Variants in LGR5 observed in about 807,000 individuals in gnomAD.
LGR5 encodes leucine-rich repeat-containing G protein-coupled receptor 5.
In LGR5, 54 loss-of-function variants were observed where a neutral mutation model predicts 76.7. The ratio of observed to expected loss-of-function variants is 0.70; its 90% CI spans 0.57 to 0.88. The LOEUF is 0.88. LGR5 is among the 40% of genes least tolerant of loss of function. The probability of loss-of-function intolerance (pLI) is 0.00; values close to 1 mark genes in which losing one functional copy is unlikely to be tolerated. For missense variants in LGR5, 1,078 were observed against 1,073.3 expected (o/e 1.00, Z -0.06); for synonymous variants, 406 against 421.9 (o/e 0.96, Z 0.46).
rs764961987 is a variant in LGR5 at position 71,553,256 on chromosome 12, T to C, written c.612T>C (p.Tyr204=). 2 of 1,613,978 alleles carry C rather than the reference T, an allele frequency of 1.2e-6. No homozygotes were observed. Among genetic ancestry groups the C allele is most frequent in the African/African-American group, 1.3e-5 (1 of 74,988 alleles). ...ALNKIHHIPD[Y]AFGNLSSLVV... ...ACAAAATACACCACATACCAGACTA[T>C]GCCTTTGGAAACCTCTCCAGCTTGG... is the stretch of plus-strand genomic sequence containing the variant. Residue 204 remains tyrosine (Y), a synonymous_variant, in exon 5 of 18, where the codon TAT becomes TAC. Transcript: ENST00000266674.
At chr12:71,558,166 T>C (rs1199937891) in intron 6 of LGR5, among the ~76,000 whole-genome samples, 1 of 152,182 alleles carries the variant, frequency 6.6e-6, no homozygotes, top group Non-Finnish European at 1.5e-5. Flanking sequence ...CATCAGCTGC[T>C]AGGAAAAATT....
At chr12:71,519,794 T>A (rs1875638919) in intron 2 of LGR5, among the ~76,000 whole-genome samples, 1 of 151,756 alleles carries the variant, frequency 6.6e-6, no homozygotes, top group Admixed American at 6.6e-5. Flanking sequence ...CACTACACTG[T>A]AGCCTGGGTG....
At chr12:71,554,751 T>C (rs1341254592) in intron 5 of LGR5, among the ~76,000 whole-genome samples, 2 of 152,252 alleles carry the variant, frequency 1.3e-5, no homozygotes, top group Non-Finnish European at 2.9e-5. Context: ...AGTGGTTTAA[T>C]TGACAGCATG....
At chr12:71,478,534 A>G (rs1873439951) in intron 1 of LGR5, among the ~76,000 whole-genome samples, 1 of 152,212 alleles carries the variant, frequency 6.6e-6, no homozygotes. Flanking sequence ...GAAATTGAAT[A>G]ATGTCTTTTC....
At chr12:71,559,783 A>G in intron 7 of LGR5, 129 bp downstream of exon 7, 1 of 536,762 alleles carries the variant, frequency 1.9e-6, no homozygotes, top group Non-Finnish European at 3.3e-6. Context: ...ATGATAAAGT[A>G]CACTTGAAAT....
At chr12:71,484,815 G>A (rs1873759085) in intron 1 of LGR5, among the ~76,000 whole-genome samples, 1 of 152,124 alleles carries the variant, frequency 6.6e-6, no homozygotes, top group African/African-American at 2.4e-5. Flanking sequence ...GCAGAGGAAT[G>A]CCCAGTCACA....
chr12:71,585,967 T>C lies in LGR5; in HGVS notation c.*1233T>C, dbSNP rs762296716. The C allele has an allele frequency of 6.6e-5, 10 of 152,198 alleles. No individual in the cohort carries two copies. The highest frequency in any genetic ancestry group is 1.5e-4 in the Non-Finnish European group (10 of 68,022). The allele number at this position is 152,198 out of a possible 1,614,324, so 9.4% of individuals were successfully genotyped here. A position where few individuals can be genotyped will look rare whatever the true frequency, so the allele number is the denominator to read the frequency against. On this transcript the variant is annotated 3_prime_UTR_variant, in exon 18 of 18. Coordinates refer to ENST00000266674, the MANE Select transcript of LGR5 (RefSeq NM_003667.4). ...TTAGCTTCAATACATCCAAACCAAA[T>C]GGCTGTTAGGTAGATTTATTTTTAT...
At chr12:71,496,585 T>C (rs1483355513) in intron 1 of LGR5, among the ~76,000 whole-genome samples, 1 of 152,326 alleles carries the variant, frequency 6.6e-6, no homozygotes, top group African/African-American at 2.4e-5. Context: ...CCCAGATATG[T>C]ACCTAACAAA....
intron 2 of LGR5, among the ~76,000 whole-genome samples, chr12:71,507,109 C>A (rs1247564164): frequency 6.6e-6 from 1 of 152,002 alleles, no homozygotes; most frequent in Non-Finnish European, 1.5e-5. Context: ...ATTATAACAA[C>A]CCCAAAAAGA....
At chr12:71,524,587 A>C (rs1198829723) in intron 3 of LGR5, 110 bp downstream of exon 3, 1 of 633,254 alleles carries the variant, frequency 1.6e-6, no homozygotes, top group Non-Finnish European at 2.7e-6. Flanking sequence ...TCCATGGGAT[A>C]ATTCATCTAA....
At chr12:71,552,253 A>G (rs1877521926) in intron 4 of LGR5, among the ~76,000 whole-genome samples, 1 of 152,134 alleles carries the variant, frequency 6.6e-6, no homozygotes, top group Non-Finnish European at 1.5e-5. Context: ...AAGTAAAATA[A>G]AAAAATTAAA....
chr12:71,570,081 C>G (rs932792608), intron 11 of LGR5, among the ~76,000 whole-genome samples: 2 of 152,118 alleles, frequency 1.3e-5, no homozygotes, highest in Non-Finnish European at 2.9e-5. Flanking sequence ...ATTGCAAGTT[C>G]TCACTTGCAA....
chr12:71,481,579 T>C (rs1472392919), intron 1 of LGR5, among the ~76,000 whole-genome samples: 1 of 152,164 alleles, frequency 6.6e-6, no homozygotes, highest in African/African-American at 2.4e-5. Flanking sequence ...GTCTTTATAG[T>C]AGAATGATTT....
intron 2 of LGR5, 75 bp from the exon 3 acceptor site, chr12:71,524,331 C>T (rs1235546412): frequency 9.4e-7 from 1 of 1,063,652 alleles, no homozygotes; most frequent in East Asian, 2.6e-5. Flanking sequence ...AGTTGTATTG[C>T]ATTTTTTTAA....
At chr12:71,569,325 A>G (rs1407368289) in intron 11 of LGR5, among the ~76,000 whole-genome samples, 2 of 152,246 alleles carry the variant, frequency 1.3e-5, no homozygotes, top group Non-Finnish European at 2.9e-5. Flanking sequence ...TAATTAAACT[A>G]AAGAGCTTCT....
intron 10 of LGR5, 69 bp downstream of exon 10, chr12:71,566,769 C>T: frequency 6.4e-7 from 1 of 1,570,306 alleles, no homozygotes; most frequent in Non-Finnish European, 8.8e-7. Context: ...TCAGTCTTAA[C>T]ATCAGTGAGT....
At chr12:71,500,427 G>A (rs1484403632) in intron 1 of LGR5, among the ~76,000 whole-genome samples, 2 of 151,620 alleles carry the variant, frequency 1.3e-5, no homozygotes, top group African/African-American at 4.8e-5. Flanking sequence ...CAAAATCCTG[G>A]GGATGAAACT....
At chr12:71,461,970 T>G (rs879893614) in intron 1 of LGR5, among the ~76,000 whole-genome samples, 4 of 152,156 alleles carry the variant, frequency 2.6e-5, no homozygotes, top group Non-Finnish European at 4.4e-5. Flanking sequence ...TTGGCCATGG[T>G]CCAAAGCTCA....
At chr12:71,447,252 G>A (rs753681716) in intron 1 of LGR5, among the ~76,000 whole-genome samples, 1 of 152,196 alleles carries the variant, frequency 6.6e-6, no homozygotes, top group Non-Finnish European at 1.5e-5. Flanking sequence ...TAGTGATACA[G>A]ACTTATGTGT....
Sources: gnomAD v4.1 joint callset for allele counts (sites outside exome capture counted in the v4.1 genomes callset) on GRCh38, gnomAD v4.1.1 for gene constraint, MANE v1.5 for transcripts, NCBI Gene and HGNC (gene_info 2026-07-23, HGNC 2026-07-21) for gene names.